TAFA1: variants seen among roughly 807,000 people sequenced by gnomAD.
TAFA1 encodes the protein chemokine-like protein TAFA-1.
In TAFA1, 4 loss-of-function variants were observed where a neutral mutation model predicts 18.5. The observed-to-expected ratio is 0.22, with a 90% CI of 0.11 to 0.49. The LOEUF (loss-of-function observed/expected upper bound fraction) is 0.49. TAFA1 is among the 20% of genes least tolerant of loss of function. The probability of loss-of-function intolerance (pLI) is 0.98; values close to 1 mark genes in which losing one functional copy is unlikely to be tolerated. For synonymous variants in TAFA1, 56 were observed against 55.2 expected (o/e 1.01, Z -0.06); for missense variants, 147 against 169.0 (o/e 0.87, Z 0.72).
intron 2 of TAFA1, among the ~76,000 whole-genome samples, chr3:68,397,509 C>A (rs909771477): frequency 6.6e-6 from 1 of 152,182 alleles, no homozygotes; most frequent in Admixed American, 6.5e-5. Flanking sequence ...TCTTTTACGG[C>A]TGACTAGTAT....
chr3:68,060,390 A>G (rs150132365), intron 2 of TAFA1, among the ~76,000 whole-genome samples: 7 of 152,306 alleles, frequency 4.6e-5, no homozygotes, highest in Non-Finnish European at 1.0e-4. Context: ...AAAGGCAGAC[A>G]CTGGCCATAA....
chr3:68,089,978 C>T (rs900786640), intron 2 of TAFA1, among the ~76,000 whole-genome samples: 19 of 152,250 alleles, frequency 1.2e-4, no homozygotes, highest in African/African-American at 2.4e-4. Flanking sequence ...CTCTTAAACA[C>T]GAAGTGAATA....
At chr3:68,513,220 T>C (rs1041890008) in intron 3 of TAFA1, among the ~76,000 whole-genome samples, 5 of 151,660 alleles carry the variant, frequency 3.3e-5, no homozygotes, top group Admixed American at 2.6e-4. Context: ...CTTTTAGGAG[T>C]GGTGGGAGTG....
chr3:68,477,426 G>A (rs1265174066), intron 3 of TAFA1, among the ~76,000 whole-genome samples: 1 of 152,140 alleles, frequency 6.6e-6, no homozygotes, highest in Non-Finnish European at 1.5e-5. Flanking sequence ...CCAGGCTGGA[G>A]TGCAGTGGTG....
At chr3:68,407,345 A>C (rs2070631625) in intron 2 of TAFA1, among the ~76,000 whole-genome samples, 2 of 152,006 alleles carry the variant, frequency 1.3e-5, no homozygotes, top group Admixed American at 1.3e-4. Flanking sequence ...CAGGGCATTC[A>C]CCCTGGATGT....
At chr3:68,301,768 A>G (rs2068306832) in intron 2 of TAFA1, among the ~76,000 whole-genome samples, 1 of 152,222 alleles carries the variant, frequency 6.6e-6, no homozygotes, top group Non-Finnish European at 1.5e-5. Context: ...CGGTCAGATG[A>G]CTGACAACTG....
chr3:68,286,125 C>T (rs1006474959), intron 2 of TAFA1, among the ~76,000 whole-genome samples: 15 of 152,164 alleles, frequency 9.9e-5, no homozygotes, highest in Admixed American at 2.0e-4. Flanking sequence ...GCAGGAGAAT[C>T]GCTTGAACCT....
chr3:68,062,861 T>C (rs1325555299), intron 2 of TAFA1, among the ~76,000 whole-genome samples: 1 of 152,200 alleles, frequency 6.6e-6, no homozygotes, highest in African/African-American at 2.4e-5. Context: ...ATTCCTTTTC[T>C]GGGGAAATAG....
chr3:68,425,825 A>G (rs1421926523), intron 3 of TAFA1, among the ~76,000 whole-genome samples: 4 of 151,876 alleles, frequency 2.6e-5, no homozygotes, highest in Admixed American at 6.6e-5. Context: ...CCATTCTCAG[A>G]CCTGTTCCTG....
intron 2 of TAFA1, among the ~76,000 whole-genome samples, chr3:68,048,530 C>A (rs2064422762): frequency 6.6e-6 from 1 of 151,954 alleles, no homozygotes; most frequent in Admixed American, 6.6e-5. Context: ...GTTGTACTAT[C>A]AAACACTAGA....
intron 2 of TAFA1, among the ~76,000 whole-genome samples, chr3:68,083,820 G>A (rs1046000818): frequency 2.0e-5 from 3 of 151,730 alleles, no homozygotes; most frequent in African/African-American, 4.8e-5. Flanking sequence ...CCTCAGCTTC[G>A]GATTTTTCAT....
At chr3:68,185,564 C>T (rs914066044) in intron 2 of TAFA1, among the ~76,000 whole-genome samples, 6 of 152,006 alleles carry the variant, frequency 3.9e-5, no homozygotes, top group Admixed American at 1.3e-4. Context: ...AACTTTGTAT[C>T]GCTATGTAAA....
Position 68,467,633 on chromosome 3 carries a change from G to T in TAFA1, c.259+50213G>T, listed in dbSNP as rs369905138. Among the ~76,000 whole-genome samples, 3 of 152,208 alleles carry T rather than the reference G, an allele frequency of 2.0e-5. No homozygotes were observed. In the East Asian group the frequency reaches 5.8e-4, roughly 29 times the overall value. Reference sequence around the variant, plus strand: ...GTCAGCAGATAGAAAATTACCAAGAGGAAACATCAGGGGTAAGGGGAGATT... The same window carrying T: ...GTCAGCAGATAGAAAATTACCAAGATGAAACATCAGGGGTAAGGGGAGATT... On this transcript the variant is annotated intron_variant, in intron 3 of 4. Coordinates refer to ENST00000478136, the MANE Select transcript of TAFA1 (RefSeq NM_213609.4).
intron 2 of TAFA1, among the ~76,000 whole-genome samples, chr3:68,071,317 CT>C (rs1313519672): frequency 6.6e-6 from 1 of 152,166 alleles, no homozygotes; most frequent in East Asian, 1.9e-4. Flanking sequence ...TCTCGTGAGA[CT>C]TTTTCACTAT....
intron 3 of TAFA1, among the ~76,000 whole-genome samples, chr3:68,476,207 G>T (rs2072094113): frequency 6.6e-6 from 1 of 152,150 alleles, no homozygotes; most frequent in African/African-American, 2.4e-5. Context: ...CACAGCAAAA[G>T]AAACTACCAT....
At chr3:68,138,865 C>G (rs933688664) in intron 2 of TAFA1, among the ~76,000 whole-genome samples, 10 of 152,122 alleles carry the variant, frequency 6.6e-5, no homozygotes, top group African/African-American at 2.2e-4. Flanking sequence ...TAAATCATTA[C>G]AAGTCTTTTC....
chr3:68,024,571 T>G (rs1369659772), intron 2 of TAFA1, among the ~76,000 whole-genome samples: 2 of 152,056 alleles, frequency 1.3e-5, no homozygotes, highest in Non-Finnish European at 1.5e-5. Context: ...GAGGCCAAAA[T>G]AAGAGAAGAA....
chr3:68,393,712 T>C (rs1015161438), intron 2 of TAFA1, among the ~76,000 whole-genome samples: 4 of 152,042 alleles, frequency 2.6e-5, no homozygotes, highest in African/African-American at 9.7e-5. Context: ...ATTCAACATA[T>C]GCAAATCAAT....
intron 3 of TAFA1, 124 bp downstream of exon 3, chr3:68,417,544 A>G (rs1255440849): frequency 2.3e-6 from 2 of 880,450 alleles, no homozygotes; most frequent in Non-Finnish European, 3.5e-6. Flanking sequence ...TTAGAAAGTT[A>G]TACAATTGCC....
Sources: gnomAD v4.1 joint callset for allele counts (sites outside exome capture counted in the v4.1 genomes callset) on GRCh38, gnomAD v4.1.1 for gene constraint, MANE v1.5 for transcripts, NCBI Gene and HGNC (gene_info 2026-07-23, HGNC 2026-07-21) for gene names.